The following TENM4 variants were observed in gnomAD, a reference collection of about 807,000 sequenced individuals.
TENM4 encodes teneurin-4.
A neutral mutation model predicts 243.3 loss-of-function variants in TENM4; 82 were observed. That is an observed-to-expected ratio of 0.34 (90% CI 0.28 to 0.40). The LOEUF is 0.40. Among genes scored for constraint, TENM4 ranks in the 10% least tolerant of loss-of-function variants. The probability of loss-of-function intolerance (pLI) is 1.00; values close to 1 mark genes in which losing one functional copy is unlikely to be tolerated. For missense variants in TENM4, 3,138 were observed against 3,673.3 expected (o/e 0.85, Z 3.77); for synonymous variants, 1,412 against 1,456.3 (o/e 0.97, Z 0.69).
rs528456725 is a variant in TENM4, at chr11:79,369,592, C to T, written c.-321+70917G>A. Reference sequence around the variant, plus strand: ...TTCTCTGCCAGATTTAGCAATTTACCAGCAAGCCTTCACAGGCTAAGAGAG... The same window carrying T: ...TTCTCTGCCAGATTTAGCAATTTACTAGCAAGCCTTCACAGGCTAAGAGAG... On this transcript the variant is annotated intron_variant, in intron 1 of 33. Coordinates refer to ENST00000278550, the MANE Select transcript of TENM4 (RefSeq NM_001098816.3). Among the ~76,000 whole-genome samples the T allele has an allele frequency of 5.9e-5, 9 of 152,218 alleles. No homozygotes were observed. In the South Asian group the frequency reaches 1.9e-3, roughly 32 times the overall value.
chr11:79,264,343 A>C (rs1855848077), intron 2 of TENM4, among the ~76,000 whole-genome samples: 1 of 152,222 alleles, frequency 6.6e-6, no homozygotes, highest in African/African-American at 2.4e-5. Context: ...CCATTAAAGA[A>C]GAGAAAGTAA....
intron 25 of TENM4, among the ~76,000 whole-genome samples, 165 bp from the exon 26 acceptor site, chr11:78,712,879 A>C (rs562287705): frequency 6.6e-6 from 1 of 152,280 alleles, no homozygotes; most frequent in Admixed American, 6.5e-5. Context: ...GACCTCAGTC[A>C]TTGGCTTAAC....
At chr11:79,306,641 C>T (rs971312139) in intron 1 of TENM4, among the ~76,000 whole-genome samples, 15 of 152,138 alleles carry the variant, frequency 9.9e-5, no homozygotes, top group Non-Finnish European at 1.8e-4. Flanking sequence ...ACCAACTATG[C>T]CCCTGGTAGT....
At chr11:79,137,393 C>T (rs1862130489) in intron 4 of TENM4, among the ~76,000 whole-genome samples, 1 of 151,894 alleles carries the variant, frequency 6.6e-6, no homozygotes, top group South Asian at 2.1e-4. Context: ...ATTACTCTGC[C>T]CTGTGATTAA....
chr11:79,079,989 G>GA (rs1264398293), intron 4 of TENM4, among the ~76,000 whole-genome samples: 2 of 1,522 alleles, frequency 1.3e-3, no homozygotes, highest in Non-Finnish European at 0.011. Context: ...TACTACCTCA[G>GA]GGGGCTGAAA....
chr11:78,670,862 C>A (rs1858306708), intron 31 of TENM4, among the ~76,000 whole-genome samples: 2 of 152,194 alleles, frequency 1.3e-5, no homozygotes, highest in Admixed American at 6.5e-5. Flanking sequence ...CTATGGTGAG[C>A]AGCCTCGTGG....
At chr11:79,114,426 T>C (rs1861574816) in intron 4 of TENM4, among the ~76,000 whole-genome samples, 1 of 152,238 alleles carries the variant, frequency 6.6e-6, no homozygotes, top group Admixed American at 6.5e-5. Flanking sequence ...CTTCAATAAG[T>C]ACGACTTACA....
At chr11:78,965,057 G>A (rs903608789) in intron 6 of TENM4, among the ~76,000 whole-genome samples, 1 of 151,728 alleles carries the variant, frequency 6.6e-6, no homozygotes, top group African/African-American at 2.4e-5. Flanking sequence ...TAGTAGAGAC[G>A]GGGTTTCACC....
intron 4 of TENM4, among the ~76,000 whole-genome samples, chr11:79,143,331 G>T (rs1862329479): frequency 6.6e-6 from 1 of 152,112 alleles, no homozygotes; most frequent in South Asian, 2.1e-4. Flanking sequence ...ATACACCATG[G>T]AATACTATGC....
chr11:79,034,409 T>A (rs192815903), intron 6 of TENM4, among the ~76,000 whole-genome samples: 3 of 152,162 alleles, frequency 2.0e-5, no homozygotes, highest in Non-Finnish European at 4.4e-5. Context: ...TGCTGCCTTA[T>A]GAAGGCGCAA....
intron 6 of TENM4, among the ~76,000 whole-genome samples, chr11:78,995,401 C>T (rs1858147074): frequency 6.6e-6 from 1 of 152,056 alleles, no homozygotes; most frequent in Non-Finnish European, 1.5e-5. Flanking sequence ...TTGACATCTC[C>T]CAGCTGGCAG....
intron 1 of TENM4, among the ~76,000 whole-genome samples, chr11:79,437,482 G>A (rs1413219950): frequency 6.6e-6 from 1 of 152,120 alleles, no homozygotes; most frequent in African/African-American, 2.4e-5. Context: ...CCTGGAACGC[G>A]GTCTTCTCGG....
chr11:78,744,117 C>T lies in TENM4; in HGVS notation c.2757-5547G>A, dbSNP rs138154142. Among the ~76,000 whole-genome samples, 598 of 152,340 alleles carry T rather than the reference C, an allele frequency of 3.9e-3. 2 individuals carry two copies. The highest frequency in any genetic ancestry group is 0.014 in the African/African-American group (565 of 41,584). On this transcript the variant is annotated intron_variant, in intron 19 of 33. Coordinates refer to ENST00000278550, the MANE Select transcript of TENM4 (RefSeq NM_001098816.3). ...CAATTTACCTGAAGTCTTGTAAGAA[C>T]ATTACCTGGGCCCAAATGAGAAGCC... is the stretch of plus-strand genomic sequence containing the variant.
At position 79,433,472 on chromosome 11, in the gene TENM4, C is replaced by T. The variant is rs774353337; in HGVS notation, c.-321+7037G>A. On this transcript the variant is annotated intron_variant, in intron 1 of 33. Coordinates refer to ENST00000278550, the MANE Select transcript of TENM4 (RefSeq NM_001098816.3). The stretch of plus-strand genomic sequence containing the variant: ...CCCCAGGCCATAAATGTACTAACTG[C>T]AACCCTTTTGTTTGACTTTCAAAGG... Among the ~76,000 whole-genome samples the T allele has an allele frequency of 1.9e-3, 294 of 152,350 alleles. 1 individual carries two copies. The highest frequency in any genetic ancestry group is 3.3e-3 in the Admixed American group (51 of 15,304).
At chr11:78,963,593 G>A (rs1298721794) in intron 6 of TENM4, among the ~76,000 whole-genome samples, 5 of 152,112 alleles carry the variant, frequency 3.3e-5, no homozygotes, top group African/African-American at 9.7e-5. Context: ...GTTCAGCGGG[G>A]CTCTAAGGGG....
At chr11:79,436,313 A>T (rs544640500) in intron 1 of TENM4, among the ~76,000 whole-genome samples, 5 of 152,332 alleles carry the variant, frequency 3.3e-5, no homozygotes, top group African/African-American at 1.2e-4. Flanking sequence ...TATTGGGACA[A>T]TTGGAAAAAT....
chr11:79,169,727 C>T (rs529828559), intron 3 of TENM4, among the ~76,000 whole-genome samples: 50 of 152,304 alleles, frequency 3.3e-4, no homozygotes, highest in Non-Finnish European at 6.3e-4. Context: ...AAACACTTAT[C>T]AGTCAGCAAA....
intron 4 of TENM4, among the ~76,000 whole-genome samples, chr11:79,122,917 C>G (rs184309817): frequency 6.6e-6 from 1 of 152,330 alleles, no homozygotes; most frequent in Non-Finnish European, 1.5e-5. Context: ...TGGACTCCCT[C>G]AGAAATATTT....
chr11:79,080,966 G>A (rs894446658), intron 4 of TENM4, among the ~76,000 whole-genome samples: 8 of 152,150 alleles, frequency 5.3e-5, no homozygotes, highest in East Asian at 3.8e-4. Context: ...CCCCTACTGC[G>A]TCCAATCTTA....
Sources: allele counts gnomAD v4.1 joint callset (sites outside exome capture counted in the v4.1 genomes callset), GRCh38; gene constraint gnomAD v4.1.1; transcripts MANE v1.5; gene names NCBI Gene and HGNC (gene_info 2026-07-23, HGNC 2026-07-21).